The following WDFY4 variants were observed in gnomAD, a reference collection of about 807,000 sequenced individuals.
WDFY4 encodes WD repeat- and FYVE domain-containing protein 4.
A neutral mutation model predicts 351.9 loss-of-function variants in WDFY4; 169 were observed. The observed-to-expected ratio is 0.48, with a 90% CI of 0.42 to 0.55. The LOEUF is 0.55. WDFY4 is among the 20% of genes least tolerant of loss of function. The pLI is 0.00. For synonymous variants in WDFY4, 1,622 were observed against 1,574.6 expected, an observed-to-expected ratio of 1.03 and a Z score of -0.71; for missense variants, 3,803 against 3,935.6, an observed-to-expected ratio of 0.97 and a Z score of 0.90.
At chr10:48,974,776 C>T (rs1842493378) in intron 57 of WDFY4, 86 bp from the exon 58 acceptor site, 1 of 1,349,418 alleles carries the variant, frequency 7.4e-7, no homozygotes, top group Admixed American at 2.7e-5. Flanking sequence ...CCTCATCCAG[C>T]ACCCAGCTTT....
intron 39 of WDFY4, among the ~76,000 whole-genome samples, chr10:48,843,263 T>G (rs952048652): frequency 6.6e-5 from 10 of 152,218 alleles, no homozygotes; most frequent in Non-Finnish European, 1.2e-4. Context: ...AATGACTTAC[T>G]TTATTACAAA....
chr10:48,897,484 C>T lies in WDFY4; in HGVS notation c.7347C>T (p.Cys2449=), dbSNP rs1219520637. The T allele has an allele frequency of 6.4e-7, 1 of 1,551,690 alleles. No individual in the cohort carries two copies. The change falls in exon 45 of 62, where the codon TGC becomes TGT. Residue 2449 remains cysteine, a synonymous_variant. Coordinates refer to ENST00000325239, the MANE Select transcript of WDFY4 (RefSeq NM_001394531.1). ...GCGATCCGTTCATTTTCAACCTGTG[C>T]AGCAAAGACAGGTCCACTGACCATT... ...NISDPFIFNL[C]SKDRSTDHYS... is the part of the protein sequence containing the mutation.
At chr10:48,818,917 C>CG (rs1257764334) in intron 32 of WDFY4, among the ~76,000 whole-genome samples, 1 of 152,194 alleles carries the variant, frequency 6.6e-6, no homozygotes, top group Non-Finnish European at 1.5e-5. Context: ...AGATCAAGGG[C>CG]GAGCCTACAG....
chr10:48,945,170 G>A (rs573296113), intron 49 of WDFY4, among the ~76,000 whole-genome samples: 81 of 152,298 alleles, frequency 5.3e-4, no homozygotes, highest in African/African-American at 1.8e-3. Context: ...GAGCCCAGGA[G>A]TTCAAGACCA....
In WDFY4 at chr10:48,773,767, G is replaced by A. The variant is rs1293343088; in HGVS notation, c.2554-691G>A. 3.3e-5 allele frequency among the ~76,000 whole-genome samples: 5 copies of A among 152,338 alleles called. No individual in the cohort carries two copies. In the East Asian group the frequency reaches 9.6e-4, roughly 29 times the overall value. On this transcript the variant is annotated intron_variant, in intron 13 of 61. Coordinates refer to ENST00000325239, the MANE Select transcript of WDFY4 (RefSeq NM_001394531.1). ...CGCTTCTCCCCAGAGACTTTAGTTGGCCTGCAGACTTTGAGTGTGGTTTGA... is the reference window on the plus strand; with the variant it reads ...CGCTTCTCCCCAGAGACTTTAGTTGACCTGCAGACTTTGAGTGTGGTTTGA...
intron 39 of WDFY4, among the ~76,000 whole-genome samples, chr10:48,866,216 G>A (rs1216672619): frequency 6.6e-6 from 1 of 151,592 alleles, no homozygotes; most frequent in Non-Finnish European, 1.5e-5. Context: ...CTTAATATTG[G>A]CATTTATAAC....
chr10:48,895,774 G>C (rs1423705983), intron 44 of WDFY4, among the ~76,000 whole-genome samples: 1 of 152,138 alleles, frequency 6.6e-6, no homozygotes, highest in Non-Finnish European at 1.5e-5. Flanking sequence ...CTGCTTCTCT[G>C]GGAGGAGGGG....
chr10:48,777,354 C>A, intron 16 of WDFY4, 65 bp from the exon 17 acceptor site: 1 of 1,425,416 alleles, frequency 7.0e-7, no homozygotes, highest in Non-Finnish European at 9.7e-7. Context: ...ATGGCCCAGA[C>A]TAGCTGTGTC....
At chr10:48,839,673 G>GA (rs1422883905) in intron 39 of WDFY4, among the ~76,000 whole-genome samples, 1 of 152,206 alleles carries the variant, frequency 6.6e-6, no homozygotes, top group East Asian at 1.9e-4. Flanking sequence ...GGGAGACTCA[G>GA]AAAACCTGAA....
intron 24 of WDFY4, among the ~76,000 whole-genome samples, chr10:48,800,228 T>C (rs1028575579): frequency 1.3e-5 from 2 of 152,136 alleles, no homozygotes; most frequent in African/African-American, 4.8e-5. Context: ...TGTTTGTAGG[T>C]TGAAGGAGAA....
At chr10:48,686,910 G>A (rs2063065662) in intron 1 of WDFY4, among the ~76,000 whole-genome samples, 1 of 152,140 alleles carries the variant, frequency 6.6e-6, no homozygotes, top group Admixed American at 6.6e-5. Flanking sequence ...GTCATAGGTT[G>A]TACATATCGT....
intron 24 of WDFY4, among the ~76,000 whole-genome samples, chr10:48,799,731 C>A (rs1281450045): frequency 1.3e-5 from 2 of 152,094 alleles, no homozygotes; most frequent in Non-Finnish European, 2.9e-5. Context: ...CGAGATCATG[C>A]CATTGCATTC....
chr10:48,778,854 C>T, intron 18 of WDFY4, 22 bp downstream of exon 18: 1 of 1,545,426 alleles, frequency 6.5e-7, no homozygotes, highest in African/African-American at 1.4e-5. Context: ...GGATCCAAAG[C>T]CAGTTTCATC....
intron 35 of WDFY4, among the ~76,000 whole-genome samples, chr10:48,824,477 C>CACCAAATCTATTT (rs2067930131): frequency 6.6e-6 from 1 of 152,168 alleles, no homozygotes; most frequent in African/African-American, 2.4e-5. Context: ...TTTCAGAAAT[C>CACCAAATCTATTT]TCGGGTCACC....
chr10:48,853,222 C>T (rs186884789), intron 39 of WDFY4, among the ~76,000 whole-genome samples: 23 of 152,100 alleles, frequency 1.5e-4, no homozygotes, highest in South Asian at 1.0e-3. Context: ...GAGTCTCTGT[C>T]GCCTGGTTGC....
intron 12 of WDFY4, among the ~76,000 whole-genome samples, chr10:48,751,612 A>G (rs1304756485): frequency 6.6e-6 from 1 of 152,202 alleles, no homozygotes; most frequent in African/African-American, 2.4e-5. Context: ...TTGGAAGAGG[A>G]TGGTGGCTGT....
At chr10:48,879,861 C>G (rs2070176341) in intron 43 of WDFY4, among the ~76,000 whole-genome samples, 1 of 152,196 alleles carries the variant, frequency 6.6e-6, no homozygotes, top group East Asian at 1.9e-4. Context: ...CCCTTCATAT[C>G]CTTCTTGCCC....
chr10:48,937,083 G>T (rs182382504), intron 47 of WDFY4, among the ~76,000 whole-genome samples: 1 of 151,868 alleles, frequency 6.6e-6, no homozygotes, highest in Non-Finnish European at 1.5e-5. Flanking sequence ...TAGTAGAGAC[G>T]AGGTTTTTCC....
At position 48,869,562 on chromosome 10, in the gene WDFY4, A is replaced by G. The variant is rs549360649; in HGVS notation, c.6741+2220A>G. Among the ~76,000 whole-genome samples, 28 of 151,506 alleles carry G rather than the reference A, an allele frequency of 1.8e-4. No individual in the cohort carries two copies. The South Asian group carries it at 1.9e-3, about 10-fold the overall frequency. On this transcript the variant is annotated intron_variant, in intron 40 of 61. Coordinates refer to ENST00000325239, the MANE Select transcript of WDFY4 (RefSeq NM_001394531.1). ...AGCCAATTTTTTTTTTTTTTGATCC[A>G]GAAGTTCTGACAAAAAGTTGCCTCT... is the stretch of plus-strand genomic sequence containing the variant.
Sources: gnomAD v4.1 joint callset for allele counts (sites outside exome capture counted in the v4.1 genomes callset) on GRCh38, gnomAD v4.1.1 for gene constraint, MANE v1.5 for transcripts, NCBI Gene and HGNC (gene_info 2026-07-23, HGNC 2026-07-21) for gene names.